Variants in DTNBP1 observed in about 807,000 individuals in gnomAD.
The protein encoded by DTNBP1 is dysbindin.
A neutral mutation model predicts 42.8 loss-of-function variants in DTNBP1; 35 were observed. That is an observed-to-expected ratio of 0.82 (90% CI 0.63 to 1.09). The LOEUF is 1.09. Ranked by LOEUF, DTNBP1 falls within the 50% of genes least tolerant of loss-of-function variation. The pLI is 0.00. For synonymous variants in DTNBP1, 171 were observed against 162.2 expected (o/e 1.05, Z -0.41); for missense variants, 457 against 424.2 (o/e 1.08, Z -0.68).
At chr6:15,542,434 C>T (rs1057333920) in intron 7 of DTNBP1, among the ~76,000 whole-genome samples, 3 of 152,146 alleles carry the variant, frequency 2.0e-5, no homozygotes, top group South Asian at 2.1e-4. Flanking sequence ...TGCAGTGGTA[C>T]GATTTTGGCT....
intron 7 of DTNBP1, among the ~76,000 whole-genome samples, chr6:15,570,029 G>A (rs1452405686): frequency 6.6e-6 from 1 of 151,926 alleles, no homozygotes; most frequent in African/African-American, 2.4e-5. Flanking sequence ...GTATACCTGT[G>A]TGTACATACA....
intron 4 of DTNBP1, among the ~76,000 whole-genome samples, chr6:15,637,423 T>G (rs1371084817): frequency 6.6e-6 from 1 of 152,192 alleles, no homozygotes; most frequent in Non-Finnish European, 1.5e-5. Context: ...ATATAGGGTA[T>G]AAAGAGATGT....
In DTNBP1 at chr6:15,662,546, A is replaced by AC. The variant is rs71535046; in HGVS notation, c.56+267dup. Among the ~76,000 whole-genome samples, 132 of 150,676 alleles carry AC rather than the reference A, an allele frequency of 8.8e-4. 1 individual carries two copies. Among genetic ancestry groups the AC allele is most frequent in the East Asian group, 2.0e-3 (10 of 5,054 alleles). Reference sequence around the variant, plus strand: ...CCGGGAAAGGACCGCAGGGTCCCACACCCCCCCCGGGCGCTCCGCTGCGCC... The same window carrying AC: ...CCGGGAAAGGACCGCAGGGTCCCACACCCCCCCCCGGGCGCTCCGCTGCGCC... On this transcript the variant is annotated intron_variant, in intron 1 of 9. Transcript: ENST00000344537.
chr6:15,615,170 G>C (rs995934428), intron 6 of DTNBP1, 97 bp downstream of exon 6: 2 of 1,564,788 alleles, frequency 1.3e-6, no homozygotes, highest in African/African-American at 2.7e-5. Context: ...TGAAACCTTT[G>C]TCTTTTATCA....
rs1344834082 is a variant in DTNBP1 at position 15,524,657 on chromosome 6, C to A, written c.680G>T (p.Ser227Ile). 4 of 1,613,264 alleles carry A rather than the reference C, an allele frequency of 2.5e-6. No homozygotes were observed. The highest frequency in any genetic ancestry group is 3.4e-6 in the Non-Finnish European group (4 of 1,180,002). Reference protein sequence around the residue: ...QIAERREPIGSMSSMEVNVDM... With the variant: ...QIAERREPIGIMSSMEVNVDM... Reference sequence around the variant, plus strand: ...CACGTTCACTTCCATGGATGACATGCTGCCTATGGGCTCTGCGGATAGATC... The same window carrying A: ...CACGTTCACTTCCATGGATGACATGATGCCTATGGGCTCTGCGGATAGATC... Residue 227 changes from serine to isoleucine, a missense_variant, in exon 9 of 10, where the codon AGC (serine) becomes ATC (isoleucine). By Grantham distance (142) the Ser-to-Ile change is moderately radical. Transcript: ENST00000344537.
At chr6:15,659,372 T>C (rs1408028894) in intron 1 of DTNBP1, among the ~76,000 whole-genome samples, 1 of 152,174 alleles carries the variant, frequency 6.6e-6, no homozygotes, top group African/African-American at 2.4e-5. Context: ...TTCCATTCCA[T>C]CCCTGGGGCA....
intron 4 of DTNBP1, among the ~76,000 whole-genome samples, chr6:15,629,547 ACTAT>A (rs1190288525): frequency 6.8e-6 from 1 of 146,330 alleles, no homozygotes; most frequent in Non-Finnish European, 1.5e-5. Context: ...AAAACACTAA[ACTAT>A]CATTTAAAAG....
chr6:15,652,121 T>C lies in DTNBP1; in HGVS notation c.76A>G (p.Lys26Glu). 6.2e-7 allele frequency: 1 copy of C among 1,612,426 alleles called. No homozygotes were observed. Among genetic ancestry groups the C allele is most frequent in the Non-Finnish European group, 8.5e-7 (1 of 1,178,824 alleles). The part of the protein sequence containing the change: ...FTSGLKTLSD[K>E]SREAKVKSKP... ...CTTTTCACTTTTGCTTCTCTTGACT[T>C]GTCACTTAAAGTCTTCAGCCTATAA... The change falls in exon 2 of 10, where the codon AAG (lysine) becomes GAG (glutamate). Residue 26 changes from lysine to glutamate, a missense_variant. By Grantham distance (56) the Lys-to-Glu change is moderately conservative. Transcript: ENST00000344537.
At chr6:15,550,485 G>C (rs749094496) in intron 7 of DTNBP1, among the ~76,000 whole-genome samples, 4 of 152,120 alleles carry the variant, frequency 2.6e-5, no homozygotes, top group Non-Finnish European at 5.9e-5. Context: ...ATGCTTTTGA[G>C]TTCAAAGGCC....
intron 7 of DTNBP1, among the ~76,000 whole-genome samples, chr6:15,562,590 A>G (rs1774892336): frequency 6.6e-6 from 1 of 152,214 alleles, no homozygotes; most frequent in Non-Finnish European, 1.5e-5. Context: ...AAATATTTAA[A>G]TTGCTGTGTC....
At chr6:15,650,976 T>C (rs1331532433) in intron 3 of DTNBP1, among the ~76,000 whole-genome samples, 1 of 152,136 alleles carries the variant, frequency 6.6e-6, no homozygotes, top group African/African-American at 2.4e-5. Context: ...AAGAATGGAT[T>C]GGAAAAGAAA....
chr6:15,524,553 C>T lies in DTNBP1; in HGVS notation c.784G>A (p.Glu262Lys). The change falls in exon 9 of 10, where the codon GAG becomes AAG. Residue 262 changes from glutamate to lysine, a missense_variant. Glu to Lys is a moderately conservative substitution (Grantham distance 56, BLOSUM62 1). Coordinates refer to ENST00000344537, the MANE Select transcript of DTNBP1 (RefSeq NM_032122.5). ...LDVFLNSGGEENTVLSPALGP... is the reference protein window; with the variant it reads ...LDVFLNSGGEKNTVLSPALGP... ...AAGGCGGGGGACAGCACAGTGTTCT[C>T]TTCTCCTCCAGAGTTCAGGAAGACG... is the stretch of plus-strand genomic sequence containing the variant. 1.2e-6 allele frequency: 2 copies of T among 1,610,210 alleles called. No individual in the cohort carries two copies. Among genetic ancestry groups the T allele is most frequent in the South Asian group, 1.1e-5 (1 of 90,528 alleles).
chr6:15,561,866 G>A (rs1774860648), intron 7 of DTNBP1, among the ~76,000 whole-genome samples: 1 of 152,154 alleles, frequency 6.6e-6, no homozygotes. Context: ...AAACCAGAAT[G>A]GTGATGGAAG....
intron 7 of DTNBP1, among the ~76,000 whole-genome samples, chr6:15,575,390 C>T (rs1775517978): frequency 2.0e-5 from 3 of 152,212 alleles, no homozygotes; most frequent in East Asian, 1.9e-4. Flanking sequence ...TTCCCTACCA[C>T]GTTGCCACCA....
chr6:15,658,009 T>C (rs542367500), intron 1 of DTNBP1, among the ~76,000 whole-genome samples: 2 of 152,210 alleles, frequency 1.3e-5, no homozygotes, highest in South Asian at 2.1e-4. Flanking sequence ...CCACACTATT[T>C]GTATCTTTAA....
chr6:15,661,452 G>C (rs890410527), intron 1 of DTNBP1, among the ~76,000 whole-genome samples: 1 of 152,190 alleles, frequency 6.6e-6, no homozygotes, highest in Admixed American at 6.5e-5. Flanking sequence ...AAGGTCAGGA[G>C]TTCGAGACCA....
At chr6:15,533,119 G>T (rs183791745) in intron 8 of DTNBP1, 121 bp downstream of exon 8, 318 of 1,488,476 alleles carry the variant, frequency 2.1e-4, no homozygotes, top group Admixed American at 1.3e-3. Context: ...GGTTGCTGGG[G>T]TCTCATAACA....
rs1383820254 is a variant in DTNBP1 at position 15,655,818 on chromosome 6, T to C, written c.57-3678A>G. The stretch of plus-strand genomic sequence containing the variant: ...CAAAAAGGTATTTTCTAAAATAACA[T>C]CCTCAAAACCCAGAATTCACCTGAA... On this transcript the variant is annotated intron_variant, in intron 1 of 9. Coordinates refer to ENST00000344537, the MANE Select transcript of DTNBP1 (RefSeq NM_032122.5). 2.6e-5 allele frequency among the ~76,000 whole-genome samples: 4 copies of C among 152,262 alleles called. No homozygotes were observed. In the East Asian group the frequency reaches 7.7e-4, roughly 29 times the overall value.
intron 6 of DTNBP1, among the ~76,000 whole-genome samples, chr6:15,610,788 C>A (rs572434395): frequency 4.6e-5 from 7 of 152,342 alleles, no homozygotes; most frequent in African/African-American, 1.7e-4. Context: ...GGTTCCAACT[C>A]TCTTCAGTTC....
Sources: allele counts gnomAD v4.1 joint callset (sites outside exome capture counted in the v4.1 genomes callset), GRCh38; gene constraint gnomAD v4.1.1; transcripts MANE v1.5; gene names NCBI Gene and HGNC (gene_info 2026-07-23, HGNC 2026-07-21).